GATAD2B: variants seen among roughly 807,000 people sequenced by gnomAD.
The protein encoded by GATAD2B is GATA zinc finger domain containing 2B, also known as transcriptional repressor p66-beta.
In GATAD2B, 8 loss-of-function variants were observed where a neutral mutation model predicts 64.3. The ratio of observed to expected loss-of-function variants is 0.12; its 90% CI spans 0.07 to 0.22. The LOEUF (loss-of-function observed/expected upper bound fraction) is 0.22. Among genes scored for constraint, GATAD2B ranks in the 10% least tolerant of loss-of-function variants. GATAD2B has a pLI of 1.00. For missense variants in GATAD2B, 453 were observed against 752.0 expected (o/e 0.60, Z 4.65); for synonymous variants, 281 against 271.3 (o/e 1.04, Z -0.35).
rs1162198643 is a variant in GATAD2B, at chr1:153,806,703, C to T, written c.*3474G>A. On this transcript the variant is annotated 3_prime_UTR_variant, in exon 11 of 11. Coordinates refer to ENST00000368655, the MANE Select transcript of GATAD2B (RefSeq NM_020699.4). ...TGAACGAGTCCTTGTTATAACATCTCGGCAGCAAATATCATAAGCTAATGA... is the reference window on the plus strand; with the variant it reads ...TGAACGAGTCCTTGTTATAACATCTTGGCAGCAAATATCATAAGCTAATGA... The T allele has an allele frequency of 2.0e-5, 3 of 149,652 alleles. No individual in the cohort carries two copies. The highest frequency in any genetic ancestry group is 6.7e-5 in the Admixed American group (1 of 14,950). 9.3% of individuals were successfully genotyped at this position (149,652 alleles called of 1,614,324 possible). A position where few individuals can be genotyped will look rare whatever the true frequency, so the allele number is the denominator to read the frequency against.
rs1243304201 is a variant in GATAD2B at position 153,809,800 on chromosome 1, G to C, written c.*377C>G. On this transcript the variant is annotated 3_prime_UTR_variant, in exon 11 of 11. Transcript: ENST00000368655. ...TTAACCGTCCACTGAACAAAGGGAG[G>C]ACACACAACATCATTAAAAATGGTA... is the stretch of plus-strand genomic sequence containing the variant. 1 of 159,644 alleles carries C rather than the reference G, an allele frequency of 6.3e-6. No individual in the cohort carries two copies. Among genetic ancestry groups the C allele is most frequent in the Non-Finnish European group, 1.4e-5 (1 of 73,318 alleles). The allele number at this position is 159,644 out of a possible 1,614,324, so 9.9% of individuals were successfully genotyped here.
intron 1 of GATAD2B, among the ~76,000 whole-genome samples, chr1:153,894,815 T>C (rs1364542095): frequency 1.3e-5 from 2 of 151,256 alleles, no homozygotes; most frequent in Non-Finnish European, 2.9e-5. Context: ...TAAGTGGAGA[T>C]TGCTCCACTG....
intron 5 of GATAD2B, 84 bp from the exon 6 acceptor site, chr1:153,817,626 G>A (rs1024717157): frequency 2.2e-6 from 2 of 893,098 alleles, no homozygotes; most frequent in African/African-American, 3.4e-5. Context: ...GGAAAACACT[G>A]CCTATAATAC....
chr1:153,807,640 G>C lies in GATAD2B; in HGVS notation c.*2537C>G, dbSNP rs969267442. The C allele has an allele frequency of 6.6e-6, 1 of 152,594 alleles. No homozygotes were observed. Among genetic ancestry groups the C allele is most frequent in the South Asian group, 2.1e-4 (1 of 4,826 alleles). 9.5% of individuals were successfully genotyped at this position (152,594 alleles called of 1,614,324 possible). A position where few individuals can be genotyped will look rare whatever the true frequency, so the allele number is the denominator to read the frequency against. On this transcript the variant is annotated 3_prime_UTR_variant, in exon 11 of 11. Coordinates refer to ENST00000368655, the MANE Select transcript of GATAD2B (RefSeq NM_020699.4). ...GACCTCAGCACCTAAGCAGGCACTC[G>C]ACTATAGGCTTTCCTTCTCCATGAT...
At chr1:153,893,549 G>A (rs967284388) in intron 1 of GATAD2B, among the ~76,000 whole-genome samples, 2 of 151,970 alleles carry the variant, frequency 1.3e-5, no homozygotes, top group African/African-American at 2.4e-5. Context: ...GGCAGAGGTT[G>A]CAGTGAGCCG....
At chr1:153,912,263 G>A (rs1375578280) in intron 1 of GATAD2B, among the ~76,000 whole-genome samples, 4 of 152,028 alleles carry the variant, frequency 2.6e-5, no homozygotes. Flanking sequence ...TTCTTCACCA[G>A]CTCAGTTACA....
In GATAD2B at chr1:153,887,609, T is replaced by C. The variant is rs145405029; in HGVS notation, c.-2+35124A>G. ...CTGTTCTCAAAGTAGTACTCCTATT[T>C]TATTTTTTTTAAAGAGACAAGGTTT... On this transcript the variant is annotated intron_variant, in intron 1 of 10. Transcript: ENST00000368655. 3.2e-3 allele frequency among the ~76,000 whole-genome samples: 486 copies of C among 152,294 alleles called. 2 individuals carry two copies. The highest frequency in any genetic ancestry group is 0.011 in the African/African-American group (448 of 41,574).
intron 1 of GATAD2B, among the ~76,000 whole-genome samples, chr1:153,858,816 T>C (rs1403929117): frequency 6.6e-6 from 1 of 152,126 alleles, no homozygotes; most frequent in East Asian, 1.9e-4. Flanking sequence ...TTAAAAAAAT[T>C]AGACATGAAA....
intron 1 of GATAD2B, among the ~76,000 whole-genome samples, chr1:153,918,788 TAAAAATACA>T (rs930274658): frequency 1.3e-5 from 2 of 151,956 alleles, no homozygotes; most frequent in African/African-American, 4.8e-5. Flanking sequence ...CCGTCTCTAC[TAAAAATACA>T]AAAATTAGCC....
chr1:153,887,019 G>A (rs1677205194), intron 1 of GATAD2B, among the ~76,000 whole-genome samples: 1 of 152,044 alleles, frequency 6.6e-6, no homozygotes, highest in African/African-American at 2.4e-5. Context: ...TCTGCTTTGA[G>A]TCGGTCCAGT....
At chr1:153,860,038 C>A (rs1676228132) in intron 1 of GATAD2B, among the ~76,000 whole-genome samples, 1 of 149,946 alleles carries the variant, frequency 6.7e-6, no homozygotes, top group Middle Eastern at 3.3e-3. Flanking sequence ...GCCTCAGTCT[C>A]CCAAGTAGCT....
intron 1 of GATAD2B, among the ~76,000 whole-genome samples, chr1:153,906,719 C>T (rs1007308543): frequency 6.6e-6 from 1 of 151,988 alleles, no homozygotes; most frequent in African/African-American, 2.4e-5. Flanking sequence ...AAAGGGCAAC[C>T]CACTGAATGA....
At chr1:153,916,746 T>C (rs957948490) in intron 1 of GATAD2B, among the ~76,000 whole-genome samples, 4 of 152,228 alleles carry the variant, frequency 2.6e-5, no homozygotes, top group African/African-American at 7.2e-5. Context: ...TTTTGTTACA[T>C]ACAAACATGA....
At chr1:153,908,969 G>A (rs1002891605) in intron 1 of GATAD2B, among the ~76,000 whole-genome samples, 1 of 151,840 alleles carries the variant, frequency 6.6e-6, no homozygotes, top group African/African-American at 2.4e-5. Flanking sequence ...AGGAGGCCGA[G>A]GTAGGAGGAC....
chr1:153,890,797 T>TA (rs1245280859), intron 1 of GATAD2B: 2 of 152,216 alleles, frequency 1.3e-5, no homozygotes, highest in African/African-American at 2.4e-5. Flanking sequence ...ACAGAGTTTG[T>TA]ACACTGGCTA....
chr1:153,919,241 T>C (rs1678357684), intron 1 of GATAD2B, among the ~76,000 whole-genome samples: 1 of 152,212 alleles, frequency 6.6e-6, no homozygotes, highest in Non-Finnish European at 1.5e-5. Context: ...TCTTGCCAGC[T>C]GATGGCAACC....
At chr1:153,844,847 G>A (rs1208643837) in intron 1 of GATAD2B, among the ~76,000 whole-genome samples, 1 of 150,308 alleles carries the variant, frequency 6.7e-6, no homozygotes, top group Admixed American at 6.6e-5. Context: ...CACCAGCATG[G>A]CACATGTATA....
At chr1:153,820,098 CAAAAAAAA>C (rs201426841) in intron 2 of GATAD2B, among the ~76,000 whole-genome samples, 1 of 63,156 alleles carries the variant, frequency 1.6e-5, no homozygotes. Context: ...GTTCCCGTCT[CAAAAAAAA>C]AAAAAAAAAA....
intron 1 of GATAD2B, among the ~76,000 whole-genome samples, chr1:153,887,373 A>G (rs1677214637): frequency 6.6e-6 from 1 of 152,230 alleles, no homozygotes; most frequent in Non-Finnish European, 1.5e-5. Context: ...TCAGTTTTCA[A>G]TCACTTGGGA....
Sources: gnomAD v4.1 joint callset for allele counts (sites outside exome capture counted in the v4.1 genomes callset) on GRCh38, gnomAD v4.1.1 for gene constraint, MANE v1.5 for transcripts, NCBI Gene and HGNC (gene_info 2026-07-23, HGNC 2026-07-21) for gene names.